NMNAT3: variants seen among roughly 807,000 people sequenced by gnomAD.
NMNAT3 encodes nicotinamide/nicotinic acid mononucleotide adenylyltransferase 3.
A neutral mutation model predicts 24.8 loss-of-function variants in NMNAT3; 21 were observed. The observed-to-expected ratio is 0.85, with a 90% CI of 0.60 to 1.22. The LOEUF is 1.22. Ranked by LOEUF, NMNAT3 falls within the 50% of genes most tolerant of loss-of-function variation. The probability of loss-of-function intolerance (pLI) is 0.00; values close to 1 mark genes in which losing one functional copy is unlikely to be tolerated. For missense variants in NMNAT3, 387 were observed against 436.6 expected, an observed-to-expected ratio of 0.89 and a Z score of 1.01; for synonymous variants, 136 against 155.2, an observed-to-expected ratio of 0.88 and a Z score of 0.92.
chr3:139,648,955 A>G (rs766748019), intron 1 of NMNAT3, among the ~76,000 whole-genome samples: 32 of 152,230 alleles, frequency 2.1e-4, no homozygotes, highest in Non-Finnish European at 3.7e-4. Context: ...ACACCTAGAT[A>G]TGTTTATGAA....
chr3:139,591,703 G>A (rs1168106741), intron 3 of NMNAT3, among the ~76,000 whole-genome samples: 1 of 152,212 alleles, frequency 6.6e-6, no homozygotes, highest in East Asian at 1.9e-4. Flanking sequence ...CCCCCAGCAG[G>A]GGCAGACTGA....
intron 3 of NMNAT3, among the ~76,000 whole-genome samples, chr3:139,607,131 A>G (rs2054982353): frequency 6.6e-6 from 1 of 151,620 alleles, no homozygotes. Flanking sequence ...GCAAAGCTAG[A>G]AAATTTTATA....
At chr3:139,657,364 C>T (rs2057279714) in intron 1 of NMNAT3, among the ~76,000 whole-genome samples, 1 of 152,238 alleles carries the variant, frequency 6.6e-6, no homozygotes, top group Non-Finnish European at 1.5e-5. Context: ...GTTCTTCTTC[C>T]TGTGTATCTC....
chr3:139,577,494 C>T (rs1939509685), intron 5 of NMNAT3, among the ~76,000 whole-genome samples: 1 of 152,158 alleles, frequency 6.6e-6, no homozygotes, highest in African/African-American at 2.4e-5. Context: ...AACCTGTGTC[C>T]TAGGCTACAG....
At chr3:139,576,055 G>A in intron 5 of NMNAT3, 1 of 1,287,952 alleles carries the variant, frequency 7.8e-7, no homozygotes, top group Admixed American at 2.3e-5. Flanking sequence ...TATAGGGAAA[G>A]AAGGAATCCT....
chr3:139,609,513 T>G (rs967267185), intron 3 of NMNAT3, among the ~76,000 whole-genome samples: 2 of 152,252 alleles, frequency 1.3e-5, no homozygotes, highest in Non-Finnish European at 2.9e-5. Flanking sequence ...TCTCATGTGC[T>G]TATCCGCTAT....
At chr3:139,603,562 A>G (rs1439613092) in intron 3 of NMNAT3, among the ~76,000 whole-genome samples, 2 of 152,162 alleles carry the variant, frequency 1.3e-5, no homozygotes, top group South Asian at 2.1e-4. Context: ...GCATCGACCA[A>G]CACGATGATT....
chr3:139,586,915 A>G (rs2053963621), intron 3 of NMNAT3, among the ~76,000 whole-genome samples: 1 of 152,208 alleles, frequency 6.6e-6, no homozygotes, highest in Admixed American at 6.5e-5. Flanking sequence ...CTGTGGTGAC[A>G]GTTTAGACAG....
chr3:139,613,790 G>C (rs1393521715), intron 3 of NMNAT3, among the ~76,000 whole-genome samples: 4 of 152,112 alleles, frequency 2.6e-5, no homozygotes, highest in Non-Finnish European at 5.9e-5. Flanking sequence ...ATACACCATG[G>C]AATACTATGC....
At chr3:139,676,348 G>A (rs2057929174) in intron 1 of NMNAT3, among the ~76,000 whole-genome samples, 1 of 152,204 alleles carries the variant, frequency 6.6e-6, no homozygotes, top group African/African-American at 2.4e-5. Flanking sequence ...CCAAATCCAT[G>A]GGGTCTCAAG....
chr3:139,616,542 C>T (rs2055511965), intron 3 of NMNAT3, among the ~76,000 whole-genome samples: 1 of 152,150 alleles, frequency 6.6e-6, no homozygotes, highest in Admixed American at 6.5e-5. Context: ...TCAAACTCAG[C>T]AAGTGTGAAG....
intron 3 of NMNAT3, among the ~76,000 whole-genome samples, chr3:139,585,382 T>C (rs1236756114): frequency 2.0e-5 from 3 of 152,184 alleles, no homozygotes; most frequent in African/African-American, 4.8e-5. Context: ...TGACTTTCTA[T>C]AGTTTCTTTT....
At chr3:139,651,603 C>A (rs2057058093) in intron 1 of NMNAT3, among the ~76,000 whole-genome samples, 1 of 152,162 alleles carries the variant, frequency 6.6e-6, no homozygotes, top group South Asian at 2.1e-4. Flanking sequence ...ATCCTGAAAA[C>A]CAAAGGGTGT....
chr3:139,579,422 A>G (rs1939838192), intron 4 of NMNAT3, among the ~76,000 whole-genome samples: 1 of 152,208 alleles, frequency 6.6e-6, no homozygotes, highest in Non-Finnish European at 1.5e-5. Flanking sequence ...TAACAGGGGC[A>G]CTATTTTTGC....
chr3:139,640,631 G>A (rs572228607), intron 1 of NMNAT3, among the ~76,000 whole-genome samples: 20 of 152,296 alleles, frequency 1.3e-4, no homozygotes, highest in Admixed American at 1.3e-3. Flanking sequence ...GGCTGAACAG[G>A]CCAGTGGATG....
At chr3:139,607,258 G>A (rs772507829) in intron 3 of NMNAT3, among the ~76,000 whole-genome samples, 18 of 152,080 alleles carry the variant, frequency 1.2e-4, no homozygotes, top group African/African-American at 1.7e-4. Flanking sequence ...ATTGAAAACT[G>A]TTCATACTGA....
intron 3 of NMNAT3, among the ~76,000 whole-genome samples, chr3:139,587,709 G>C (rs1222187510): frequency 2.6e-5 from 4 of 152,180 alleles, no homozygotes; most frequent in African/African-American, 7.2e-5. Flanking sequence ...GTTATAGAAA[G>C]CAAAGTAAGT....
chr3:139,666,163 T>C (rs577583810), intron 1 of NMNAT3, among the ~76,000 whole-genome samples: 6 of 152,332 alleles, frequency 3.9e-5, no homozygotes, highest in Admixed American at 1.3e-4. Flanking sequence ...CACATGCTCT[T>C]CTTACAATGG....
At chr3:139,651,750 G>A (rs1180724681) in intron 1 of NMNAT3, among the ~76,000 whole-genome samples, 2 of 152,132 alleles carry the variant, frequency 1.3e-5, no homozygotes, top group South Asian at 2.1e-4. Flanking sequence ...GGGCAAGGGT[G>A]CAAAATGGCC....
Sources: allele counts gnomAD v4.1 joint callset (sites outside exome capture counted in the v4.1 genomes callset), GRCh38; gene constraint gnomAD v4.1.1; transcripts MANE v1.5; gene names NCBI Gene and HGNC (gene_info 2026-07-23, HGNC 2026-07-21).